LIG3: variants seen among roughly 807,000 people sequenced by gnomAD.
LIG3 encodes the protein ligase II, DNA, ATP-dependent.
LIG3 carries 58 observed loss-of-function variants against 110.9 expected under a neutral mutation model. The ratio of observed to expected loss-of-function variants is 0.52; its 90% CI spans 0.42 to 0.65. LIG3 has a LOEUF of 0.65. Ranked by LOEUF, LIG3 falls within the 30% of genes least tolerant of loss-of-function variation. LIG3 has a pLI of 0.00. For synonymous variants in LIG3, 422 were observed against 472.8 expected (o/e 0.89, Z 1.39); for missense variants, 1,094 against 1,273.8 (o/e 0.86, Z 2.15).
chr17:34,987,937 G>A (rs987483600), intron 3 of LIG3, among the ~76,000 whole-genome samples: 5 of 152,078 alleles, frequency 3.3e-5, no homozygotes, highest in African/African-American at 1.2e-4. Flanking sequence ...GCTCACACTT[G>A]TAATCCCAGC....
intron 5 of LIG3, 128 bp downstream of exon 5, chr17:34,991,242 C>A: frequency 1.1e-6 from 1 of 876,716 alleles, no homozygotes; most frequent in Non-Finnish European, 1.7e-6. Context: ...CCCATTTGAG[C>A]AAGCTTCCGT....
At chr17:34,996,425 C>T in intron 10 of LIG3, 149 bp from the exon 11 acceptor site, 1 of 792,890 alleles carries the variant, frequency 1.3e-6, no homozygotes, top group Non-Finnish European at 2.0e-6. Context: ...ACTATCTGCT[C>T]AGTGCCCTTA....
intron 4 of LIG3, chr17:34,989,895 G>C: frequency 1.9e-6 from 1 of 532,454 alleles, no homozygotes; most frequent in East Asian, 3.2e-5. Context: ...TTTGGCATCT[G>C]TCTTCCTCTC....
At chr17:35,003,957 A>G (rs1179623159) in intron 19 of LIG3, 6 of 327,364 alleles carry the variant, frequency 1.8e-5, no homozygotes, top group Non-Finnish European at 3.5e-5. Context: ...GTCTGGGGGC[A>G]CTGAGTCAGA....
At chr17:35,001,502 T>TC (rs1429016356) in intron 17 of LIG3, 99 bp downstream of exon 17, 4 of 1,249,280 alleles carry the variant, frequency 3.2e-6, no homozygotes, top group Non-Finnish European at 3.4e-6. Flanking sequence ...TCTTCTCCTT[T>TC]CCCCCATTCT....
Position 35,007,397 on chromosome 17 carries a change from TCAA to T in LIG3, c.*2894_*2896del, listed in dbSNP as rs1369793406. 6.6e-6 allele frequency: 1 copy of T among 152,240 alleles called. No individual in the cohort carries two copies. The highest frequency in any genetic ancestry group is 1.5e-5 in the Non-Finnish European group (1 of 68,058). 9.4% of individuals were successfully genotyped at this position (152,240 alleles called of 1,614,324 possible). Reference sequence around the variant, plus strand: ...TCTTTCATGTATTTCAATGCAGCCCTCAACATCATCATCATAAATCTCTCCAGC... The same window carrying T: ...TCTTTCATGTATTTCAATGCAGCCCTCATCATCATCATAAATCTCTCCAGC... On this transcript the variant is annotated 3_prime_UTR_variant, in exon 20 of 20. Transcript: ENST00000378526.
rs578192760 is a variant in LIG3, at chr17:35,002,948, G to T, written c.2796+159G>T. ...GCAGCCACTCCTCTGTCGTGGGCAG[G>T]GTCAGCAATGCTGCTGCTCACCCTA... On this transcript the variant is annotated intron_variant, in intron 19 of 19. Coordinates refer to ENST00000378526, the MANE Select transcript of LIG3 (RefSeq NM_013975.4). The T allele has an allele frequency of 3.7e-6, 6 of 1,613,266 alleles. No homozygotes were observed. In the South Asian group the frequency reaches 5.5e-5, roughly 15 times the overall value.
chr17:34,997,758 A>T lies in LIG3; in HGVS notation c.1844A>T (p.Lys615Met). 6.2e-7 allele frequency: 1 copy of T among 1,614,060 alleles called. No homozygotes were observed. The highest frequency in any genetic ancestry group is 8.5e-7 in the Non-Finnish European group (1 of 1,179,940). ...LMDRPLCERR[K>M]FLHDNMVEIP... ...CTCAGACCTCTGTGTGAGCGGCGGA[A>T]GTTTCTTCATGACAACATGGTTGAA... Residue 615 changes from lysine (K) to methionine (M), a missense_variant, in exon 12 of 20, where the codon AAG becomes ATG. Lys to Met is a moderately conservative substitution (Grantham distance 95). Transcript: ENST00000378526.
rs2074515 is a variant in LIG3, at chr17:34,999,670, G to A, written c.2257-112G>A. 959 of 1,142,220 alleles carry A rather than the reference G, an allele frequency of 8.4e-4. 6 individuals carry two copies. In the East Asian group the frequency reaches 0.018, roughly 22 times the overall value. 70.8% of individuals were successfully genotyped at this position (1,142,220 alleles called of 1,614,324 possible). A position where few individuals can be genotyped will look rare whatever the true frequency, so the allele number is the denominator to read the frequency against. ...CCACTCTGGGCTGGGAGGATCACAT[G>A]GCTCAAACATCAGCTGTTTAAGTGG... is the stretch of plus-strand genomic sequence containing the variant. On this transcript the variant is annotated intron_variant, in intron 15 of 19. Transcript: ENST00000378526.
At chr17:34,998,095 C>A in intron 12 of LIG3, 124 bp from the exon 13 acceptor site, 1 of 735,100 alleles carries the variant, frequency 1.4e-6, no homozygotes, top group Non-Finnish European at 2.2e-6. Flanking sequence ...ACCCTTTGTC[C>A]CTTATATTTC....
chr17:34,991,990 G>C lies in LIG3; in HGVS notation c.1241G>C (p.Arg414Thr). 1 of 1,614,106 alleles carries C rather than the reference G, an allele frequency of 6.2e-7. No individual in the cohort carries two copies. The highest frequency in any genetic ancestry group is 8.5e-7 in the Non-Finnish European group (1 of 1,179,920). ...GCCAATGACCTTAAATGCATCATCAGGTTGATCAAACATGATCTGAAGATG... is the reference window on the plus strand; with the variant it reads ...GCCAATGACCTTAAATGCATCATCACGTTGATCAAACATGATCTGAAGATG... ...CTANDLKCII[R>T]LIKHDLKMNS... The change falls in exon 7 of 20, where the codon AGG becomes ACG. Residue 414 changes from arginine to threonine, a missense_variant. By Grantham distance (71) the Arg-to-Thr change is moderately conservative (BLOSUM62 -1). Transcript: ENST00000378526.
intron 11 of LIG3, 49 bp from the exon 12 acceptor site, chr17:34,997,689 T>A (rs1476663611): frequency 1.5e-6 from 2 of 1,344,630 alleles, no homozygotes; most frequent in African/African-American, 2.9e-5. Flanking sequence ...GAATTCCTAA[T>A]AAGGGAGGGA....
At position 34,992,595 on chromosome 17, in the gene LIG3, G is replaced by A. The variant is rs755644688; in HGVS notation, c.1358G>A (p.Arg453Gln). ...CGCAACCTGCAGGATGTGGTGGAGC[G>A]GGTCCTTCACAACGCGCAGGAGGTG... is the stretch of plus-strand genomic sequence containing the variant. ...ASRNLQDVVE[R>Q]VLHNAQEVEK... The change falls in exon 8 of 20, where the codon CGG becomes CAG. Residue 453 changes from arginine to glutamine, a missense_variant. Arg to Gln is a conservative substitution (Grantham distance 43, BLOSUM62 1). Coordinates refer to ENST00000378526, the MANE Select transcript of LIG3 (RefSeq NM_013975.4). 11 of 1,613,846 alleles carry A rather than the reference G, an allele frequency of 6.8e-6. No individual in the cohort carries two copies. Among genetic ancestry groups the A allele is most frequent in the South Asian group, 5.5e-5 (5 of 91,050 alleles).
At chr17:35,001,157 C>CA in intron 16 of LIG3, 100 bp from the exon 17 acceptor site, 1 of 1,271,348 alleles carries the variant, frequency 7.9e-7, no homozygotes, top group Non-Finnish European at 1.1e-6. Context: ...CTGCCCACCT[C>CA]AGCCTTCCTA....
chr17:34,985,216 T>G (rs2090643210), intron 2 of LIG3, among the ~76,000 whole-genome samples: 1 of 152,220 alleles, frequency 6.6e-6, no homozygotes, highest in South Asian at 2.1e-4. Flanking sequence ...TTTTAGAAAT[T>G]TTATGCCAAT....
chr17:34,981,469 A>G (rs2090591541), intron 1 of LIG3: 1 of 152,224 alleles, frequency 6.6e-6, no homozygotes, highest in Non-Finnish European at 1.5e-5. Context: ...TACATTTTGT[A>G]TACATTTTTA....
chr17:34,982,942 A>G (rs1597787960), intron 1 of LIG3, 60 bp from the exon 2 acceptor site: 2 of 1,384,586 alleles, frequency 1.4e-6, no homozygotes, highest in Middle Eastern at 1.9e-4. Flanking sequence ...GAAAATTGGA[A>G]GCCTATCTCC....
chr17:34,993,038 G>A (rs955210108), intron 8 of LIG3, among the ~76,000 whole-genome samples: 6 of 152,180 alleles, frequency 3.9e-5, no homozygotes, highest in African/African-American at 1.4e-4. Flanking sequence ...TATCTTACCT[G>A]AAGACGGATG....
At chr17:34,983,631 CT>C in intron 2 of LIG3, 79 bp downstream of exon 2, 48 of 1,356,410 alleles carry the variant, frequency 3.5e-5, no homozygotes, top group Middle Eastern at 2.6e-4. Flanking sequence ...CTTTCTTTCT[CT>C]TTTTTTTAAC....
Sources: gnomAD v4.1 joint callset for allele counts (sites outside exome capture counted in the v4.1 genomes callset) on GRCh38, gnomAD v4.1.1 for gene constraint, MANE v1.5 for transcripts, NCBI Gene and HGNC (gene_info 2026-07-23, HGNC 2026-07-21) for gene names.